FAM153A: variants seen among roughly 807,000 people sequenced by gnomAD.
The protein encoded by FAM153A is family with sequence similarity 153 member A, also known as protein FAM153A.
Under a neutral mutation model 48.1 loss-of-function variants are expected in FAM153A, and 12 were observed. The ratio of observed to expected loss-of-function variants is 0.25; its 90% CI spans 0.16 to 0.40. The LOEUF (loss-of-function observed/expected upper bound fraction) is 0.40. FAM153A is among the 10% of genes least tolerant of loss of function. The pLI, the probability that FAM153A is intolerant of heterozygous loss-of-function variation, is 1.00. For missense variants in FAM153A, 111 were observed against 345.8 expected, an observed-to-expected ratio of 0.32 and a Z score of 5.38; for synonymous variants, 36 against 118.2, an observed-to-expected ratio of 0.30 and a Z score of 4.51.
intron 25 of FAM153A, among the ~76,000 whole-genome samples, chr5:177,714,374 C>T (rs1216963138): frequency 3.3e-5 from 5 of 151,754 alleles, no homozygotes; most frequent in Non-Finnish European, 5.9e-5. Flanking sequence ...GAGGTAGTCT[C>T]AATTAAGTTG....
chr5:177,765,373 A>G (rs1582523252), intron 1 of FAM153A, among the ~76,000 whole-genome samples: 1 of 106,996 alleles, frequency 9.3e-6, no homozygotes, highest in South Asian at 3.4e-4. Context: ...CACCCGGGCT[A>G]TGCCCACTGA....
In FAM153A at chr5:177,730,533, C is replaced by T. The variant is rs1387530968; in HGVS notation, c.863-978G>A. ...ACATTAATGGTCACACTAAAGCCCACTGCGCAATGTACCTACTCAAACCCT... is the reference window on the plus strand; with the variant it reads ...ACATTAATGGTCACACTAAAGCCCATTGCGCAATGTACCTACTCAAACCCT... On this transcript the variant is annotated intron_variant, in intron 16 of 20. Transcript: ENST00000614127. Among the ~76,000 whole-genome samples, 2 of 105,166 alleles carry T rather than the reference C, an allele frequency of 1.9e-5. 1 individual carries two copies. The highest frequency in any genetic ancestry group is 4.2e-5 in the Non-Finnish European group (2 of 47,902). The allele number at this position is 105,166 out of a possible 152,430, so 69.0% of individuals were successfully genotyped here.
intron 1 of FAM153A, among the ~76,000 whole-genome samples, chr5:177,752,618 CAAA>C (rs71274705): frequency 0.021 from 644 of 30,804 alleles, no homozygotes; most frequent in African/African-American, 0.051. Flanking sequence ...GAGACTCTGC[CAAA>C]AAAAAAAAAA....
chr5:177,714,925 C>CT (rs931967655), intron 25 of FAM153A, among the ~76,000 whole-genome samples: 3 of 112,722 alleles, frequency 2.7e-5, no homozygotes, highest in Admixed American at 9.5e-5. Flanking sequence ...TGCAACCATC[C>CT]TTTTTTTTCT....
chr5:177,747,887 TTC>T (rs1766260731), intron 3 of FAM153A, 94 bp from the exon 6 acceptor site: 1 of 488,622 alleles, frequency 2.0e-6, no homozygotes, highest in African/African-American at 2.6e-5. Flanking sequence ...CTTCCTTCTT[TTC>T]TCTTTCTTTC....
At chr5:177,702,577 C>G in the FAM153A span, among the ~76,000 whole-genome samples, 2 of 151,828 alleles carry the variant, frequency 1.3e-5, no homozygotes, top group Non-Finnish European at 2.9e-5. Flanking sequence ...GGGGGAAAAG[C>G]ATAGAAGACA....
At chr5:177,711,823 A>G (rs1318851201) in exon 27 of FAM153A, 1 of 151,622 alleles carries the variant, frequency 6.6e-6, no homozygotes, top group Non-Finnish European at 1.5e-5. Context: ...TCCCTCCCCA[A>G]CCCCAACGCC....
chr5:177,696,203 C>T, the FAM153A span, among the ~76,000 whole-genome samples: 3 of 128,764 alleles, frequency 2.3e-5, no homozygotes, highest in South Asian at 2.6e-4. Flanking sequence ...CGGGCAGAGG[C>T]GCTCCTCACT....
At chr5:177,738,961 G>A (rs545620345) in intron 10 of FAM153A, 152 bp downstream of exon 12, 57 of 478,658 alleles carry the variant, frequency 1.2e-4, no homozygotes, top group African/African-American at 7.2e-4. Flanking sequence ...GTCACCACTC[G>A]TCAGTACACT....
chr5:177,771,826 T>C (rs1366389224), intron 1 of FAM153A, among the ~76,000 whole-genome samples: 1 of 95,934 alleles, frequency 1.0e-5, no homozygotes, highest in Non-Finnish European at 2.2e-5. Flanking sequence ...CTGGTAGACA[T>C]CACTGCACAT....
At chr5:177,724,404 T>C in intron 19 of FAM153A, 42 bp from the exon 22 acceptor site, 1 of 1,607,208 alleles carries the variant, frequency 6.2e-7, no homozygotes. Context: ...GAGACGCCAG[T>C]GCAGGAAAAG....
At chr5:177,778,763 G>T (rs1333077363) in intron 1 of FAM153A, among the ~76,000 whole-genome samples, 1 of 97,996 alleles carries the variant, frequency 1.0e-5, no homozygotes, top group Non-Finnish European at 2.1e-5. Context: ...GGCAACAGAG[G>T]GGGACCTGTC....
intron 25 of FAM153A, among the ~76,000 whole-genome samples, chr5:177,715,694 C>T (rs1759579794): frequency 6.6e-6 from 1 of 151,742 alleles, no homozygotes; most frequent in Non-Finnish European, 1.5e-5. Flanking sequence ...ATGGATTAAA[C>T]ACTTTTTTTG....
chr5:177,761,264 G>A (rs1489290275), intron 1 of FAM153A, among the ~76,000 whole-genome samples: 6 of 151,600 alleles, frequency 4.0e-5, no homozygotes, highest in Admixed American at 1.3e-4. Context: ...CGCTAGCAGC[G>A]AATTCCCACT....
intron 1 of FAM153A, among the ~76,000 whole-genome samples, chr5:177,760,219 C>A (rs1450151741): frequency 7.8e-6 from 1 of 128,004 alleles, no homozygotes; most frequent in African/African-American, 3.0e-5. Context: ...TCTCTTAATG[C>A]CAAATTGGGA....
the FAM153A span, among the ~76,000 whole-genome samples, chr5:177,697,825 CCTGA>C: frequency 6.6e-6 from 1 of 151,662 alleles, no homozygotes; most frequent in Non-Finnish European, 1.5e-5. Flanking sequence ...CTACCTTGTT[CCTGA>C]CTATTTTCTG....
At chr5:177,755,844 A>G (rs530264539), upstream of FAM153A, among the ~76,000 whole-genome samples, 2 of 149,898 alleles carry the variant, frequency 1.3e-5, no homozygotes, top group Admixed American at 6.6e-5. Context: ...AGCACTAAAT[A>G]TGGAAAGGAA....
intron 1 of FAM153A, among the ~76,000 whole-genome samples, chr5:177,760,225 T>C (rs1337120203): frequency 9.3e-6 from 1 of 107,748 alleles, no homozygotes; most frequent in East Asian, 2.9e-4. Flanking sequence ...AATGCCAAAT[T>C]GGGAAAGACC....
intron 18 of FAM153A, among the ~76,000 whole-genome samples, chr5:177,725,650 C>T (rs1762279142): frequency 6.6e-6 from 1 of 151,216 alleles, no homozygotes; most frequent in Admixed American, 6.6e-5. Flanking sequence ...ACAATCTGGG[C>T]CTGACTGGAG....
Sources: allele counts gnomAD v4.1 joint callset (sites outside exome capture counted in the v4.1 genomes callset), GRCh38; gene constraint gnomAD v4.1.1; transcripts MANE v1.5; gene names NCBI Gene and HGNC (gene_info 2026-07-23, HGNC 2026-07-21).